The following RREB1 variants were observed in gnomAD, a reference collection of about 807,000 sequenced individuals.
RREB1 encodes the protein ras responsive element binding protein 1, also known as ras-responsive element-binding protein 1.
RREB1 carries 27 observed loss-of-function variants against 117.8 expected under a neutral mutation model. The observed-to-expected ratio is 0.23, with a 90% confidence interval of 0.17 to 0.32. The LOEUF (loss-of-function observed/expected upper bound fraction) is 0.32. RREB1 is among the 10% of genes least tolerant of loss of function. The pLI, the probability that RREB1 is intolerant of heterozygous loss-of-function variation, is 1.00. For missense variants in RREB1, 2,577 were observed against 2,378.2 expected, an observed-to-expected ratio of 1.08 and a Z score of -1.74; for synonymous variants, 1,298 against 1,026.7, an observed-to-expected ratio of 1.26 and a Z score of -5.05.
chr6:7,114,909 C>T (rs2113289342), intron 1 of RREB1, among the ~76,000 whole-genome samples: 1 of 152,152 alleles, frequency 6.6e-6, no homozygotes, highest in South Asian at 2.1e-4. Context: ...CTTTCCCAGT[C>T]ACCTCTTCAG....
Position 7,240,682 on chromosome 6 carries a change from G to A in RREB1, c.3973+80G>A, listed in dbSNP as rs187223700. ...TAAGAATTGTAGCAAACTCCAGTCCGAGCTGTGGAGGGGCTGCTTGTTCAC... is the reference window on the plus strand; with the variant it reads ...TAAGAATTGTAGCAAACTCCAGTCCAAGCTGTGGAGGGGCTGCTTGTTCAC... On this transcript the variant is annotated intron_variant, in intron 11 of 12. Coordinates refer to ENST00000379938, the MANE Select transcript of RREB1 (RefSeq NM_001003699.4). 2.0e-5 allele frequency: 27 copies of A among 1,317,730 alleles called. No individual in the cohort carries two copies. The East Asian group carries it at 2.7e-4, about 13-fold the overall frequency. 81.6% of individuals were successfully genotyped at this position (1,317,730 alleles called of 1,614,324 possible).
rs1321101603 is a variant in RREB1 at position 7,181,855 on chromosome 6, A to G, written c.-42-15A>G. On this transcript the variant is annotated splice_polypyrimidine_tract_variant and intron_variant, in intron 3 of 12. Transcript: ENST00000379938. The stretch of plus-strand genomic sequence containing the variant: ...AAACTTCCCCATGATCACATCAGCA[A>G]TTTCCAATTTTCAGTTTTATAGCAG... 5.1e-5 allele frequency: 80 copies of G among 1,583,618 alleles called. No individual in the cohort carries two copies. Among genetic ancestry groups the G allele is most frequent in the Non-Finnish European group, 6.9e-5 (79 of 1,152,678 alleles).
At chr6:7,233,547 T>C (rs779665864) in intron 10 of RREB1, among the ~76,000 whole-genome samples, 6 of 152,240 alleles carry the variant, frequency 3.9e-5, no homozygotes, top group Non-Finnish European at 8.8e-5. Flanking sequence ...TAATTTTTAG[T>C]ATAAGTATTT....
At chr6:7,109,092 C>G (rs377089505) in intron 1 of RREB1, among the ~76,000 whole-genome samples, 1 of 151,542 alleles carries the variant, frequency 6.6e-6, no homozygotes, top group East Asian at 2.0e-4. Flanking sequence ...GAGGCGGGGC[C>G]GGCCGCCGGG....
chr6:7,184,596 C>G (rs954965644), intron 4 of RREB1: 2 of 151,778 alleles, frequency 1.3e-5, no homozygotes, highest in Non-Finnish European at 2.9e-5. Flanking sequence ...GTCTGTAGAC[C>G]TCCTCCCATA....
intron 2 of RREB1, among the ~76,000 whole-genome samples, chr6:7,177,222 A>G (rs1764545096): frequency 6.7e-6 from 1 of 149,250 alleles, no homozygotes; most frequent in Non-Finnish European, 1.5e-5. Flanking sequence ...GTCTCACAAA[A>G]AAAAAAAAAA....
intron 9 of RREB1, among the ~76,000 whole-genome samples, chr6:7,228,733 C>G (rs1269607304): frequency 6.6e-6 from 1 of 151,896 alleles, no homozygotes; most frequent in Non-Finnish European, 1.5e-5. Context: ...GTCACAAACT[C>G]CTGGCCTCAA....
chr6:7,187,540 CTTTTATT>C lies in RREB1; in HGVS notation c.261+20_261+26del. Reference sequence around the variant, plus strand: ...ATTCGCCAGGTAGATTCCCACTGTTCTTTTATTTTATTTTATTTTATTTTATTTTATT... The same window carrying C: ...ATTCGCCAGGTAGATTCCCACTGTTCTTATTTTATTTTATTTTATTTTATT... On this transcript the variant is annotated intron_variant, in intron 5 of 12. Transcript: ENST00000379938. 5.9e-6 allele frequency: 5 copies of C among 847,534 alleles called. No individual in the cohort carries two copies. Among genetic ancestry groups the C allele is most frequent in the Non-Finnish European group, 8.3e-6 (5 of 605,420 alleles). 52.5% of individuals were successfully genotyped at this position (847,534 alleles called of 1,614,324 possible). A position where few individuals can be genotyped will look rare whatever the true frequency, so the allele number is the denominator to read the frequency against.
intron 1 of RREB1, among the ~76,000 whole-genome samples, chr6:7,171,329 C>T (rs1277383951): frequency 6.6e-6 from 1 of 152,294 alleles, no homozygotes; most frequent in East Asian, 1.9e-4. Flanking sequence ...ACTCCGCCTT[C>T]CTGCCTTGAC....
rs147205789 is a variant in RREB1, at chr6:7,247,025, G to C, written c.4575G>C (p.Glu1525Asp). 9 of 1,612,120 alleles carry C rather than the reference G, an allele frequency of 5.6e-6. No homozygotes were observed. The highest frequency in any genetic ancestry group is 5.3e-5 in the African/African-American group (4 of 74,952). The change falls in exon 12 of 13, where the codon GAG becomes GAC. Residue 1525 changes from glutamate to aspartate, a missense_variant. Glu to Asp is a conservative substitution (Grantham distance 45). Coordinates refer to ENST00000379938, the MANE Select transcript of RREB1 (RefSeq NM_001003699.4). ...CCCCGGCGGAAAAGCTCGCGGAGGA[G>C]ACGGAGGGCCCCTCCGACGGGGAGA... ...GEAPAEKLAE[E>D]TEGPSDGESA...
chr6:7,129,468 T>G (rs1404221268), intron 1 of RREB1, among the ~76,000 whole-genome samples: 1 of 152,236 alleles, frequency 6.6e-6, no homozygotes, highest in Non-Finnish European at 1.5e-5. Flanking sequence ...GTGTCTGTGC[T>G]TTGGGTGACT....
chr6:7,111,424 T>C (rs1761139852), intron 1 of RREB1, among the ~76,000 whole-genome samples: 1 of 152,214 alleles, frequency 6.6e-6, no homozygotes, highest in Non-Finnish European at 1.5e-5. Flanking sequence ...TGGTTAAATA[T>C]ATTCTTTGGA....
intron 6 of RREB1, 101 bp from the exon 7 acceptor site, chr6:7,210,703 A>G (rs1766530031): frequency 5.8e-6 from 6 of 1,029,374 alleles, no homozygotes; most frequent in Non-Finnish European, 7.0e-6. Flanking sequence ...TCTCTTAACT[A>G]AAGAAAATTT....
intron 1 of RREB1, among the ~76,000 whole-genome samples, chr6:7,138,943 ATTTG>A (rs1271432929): frequency 3.3e-5 from 5 of 152,152 alleles, no homozygotes; most frequent in African/African-American, 1.2e-4. Flanking sequence ...AGGTAGCCTT[ATTTG>A]ACTCTAAACC....
chr6:7,227,913 A>C (rs1767681448), intron 9 of RREB1, among the ~76,000 whole-genome samples: 1 of 152,148 alleles, frequency 6.6e-6, no homozygotes, highest in Non-Finnish European at 1.5e-5. Context: ...TAAAAGTATA[A>C]AAAATTAGCT....
At chr6:7,182,974 C>T (rs544673060) in intron 4 of RREB1, 2 of 152,296 alleles carry the variant, frequency 1.3e-5, no homozygotes, top group Admixed American at 1.3e-4. Flanking sequence ...CCTACTGTGG[C>T]TGTCCTTATA....
rs1205321922 is a variant in RREB1, at chr6:7,249,745, A to G, written c.*777A>G. On this transcript the variant is annotated 3_prime_UTR_variant, in exon 13 of 13. Transcript: ENST00000379938. ...GCGTCTTAACCTATGGAAAACATGCACGGATAGGATATATTTGATTGCCTC... is the reference window on the plus strand; with the variant it reads ...GCGTCTTAACCTATGGAAAACATGCGCGGATAGGATATATTTGATTGCCTC... 6.6e-6 allele frequency: 1 copy of G among 152,046 alleles called. No individual in the cohort carries two copies. Among genetic ancestry groups the G allele is most frequent in the Non-Finnish European group, 1.5e-5 (1 of 68,024 alleles). 9.4% of individuals were successfully genotyped at this position (152,046 alleles called of 1,614,324 possible).
chr6:7,157,749 TC>T (rs1763449794), intron 1 of RREB1, among the ~76,000 whole-genome samples: 1 of 147,198 alleles, frequency 6.8e-6, no homozygotes, highest in African/African-American at 2.7e-5. Context: ...AGAGCAAGAC[TC>T]TGTCTGTCTC....
intron 1 of RREB1, among the ~76,000 whole-genome samples, chr6:7,122,140 G>A (rs1761707173): frequency 6.6e-6 from 1 of 152,238 alleles, no homozygotes; most frequent in African/African-American, 2.4e-5. Flanking sequence ...AACCTCAGGT[G>A]AGCATGCTCC....
Sources: allele counts gnomAD v4.1 joint callset (sites outside exome capture counted in the v4.1 genomes callset), GRCh38; gene constraint gnomAD v4.1.1; transcripts MANE v1.5; gene names NCBI Gene and HGNC (gene_info 2026-07-23, HGNC 2026-07-21).